JAKMIP3: variants seen among roughly 807,000 people sequenced by gnomAD.
The protein encoded by JAKMIP3 is Janus kinase and microtubule interacting protein 3.
Under a neutral mutation model 118.5 loss-of-function variants are expected in JAKMIP3, and 58 were observed. That is an observed-to-expected ratio of 0.49 (90% CI 0.40 to 0.61). The LOEUF (loss-of-function observed/expected upper bound fraction) is 0.61, where lower values mean the gene tolerates loss of function less well. Ranked by LOEUF, JAKMIP3 falls within the 20% of genes least tolerant of loss-of-function variation. The pLI is 0.00. For missense variants in JAKMIP3, 950 were observed against 1,109.0 expected, an observed-to-expected ratio of 0.86 and a Z score of 2.04; for synonymous variants, 486 against 451.2, an observed-to-expected ratio of 1.08 and a Z score of -0.98.
intron 13 of JAKMIP3, 75 bp downstream of exon 13, chr10:132,145,655 C>A: frequency 2.3e-6 from 3 of 1,279,994 alleles, no homozygotes; most frequent in Non-Finnish European, 2.2e-6. Context: ...CCCTGCGGGG[C>A]TGAAGGATGG....
At chr10:132,180,556 T>TGTGC (rs1419059069) in intron 23 of JAKMIP3, among the ~76,000 whole-genome samples, 3 of 4,016 alleles carry the variant, frequency 7.5e-4, no homozygotes, top group Non-Finnish European at 1.4e-3. Flanking sequence ...CGTGCGTGCA[T>TGTGC]GCGTGTGTGT....
intron 3 of JAKMIP3, among the ~76,000 whole-genome samples, chr10:132,131,393 GC>G (rs1036373656): frequency 4.0e-5 from 6 of 150,682 alleles, no homozygotes; most frequent in African/African-American, 1.5e-4. Flanking sequence ...CAGGTGTGAG[GC>G]CCAGGGGAGA....
Position 132,137,012 on chromosome 10 carries a change from G to T in JAKMIP3, c.1117-7G>T, listed in dbSNP as rs774777576. 2 of 1,612,652 alleles carry T rather than the reference G, an allele frequency of 1.2e-6. No homozygotes were observed. Among genetic ancestry groups the T allele is most frequent in the Admixed American group, 1.7e-5 (1 of 59,948 alleles). ...CAACTTGTGATGTGGGCTGCTTGGC[G>T]TTTCAGAGACAGAGAGCTGGAATCA... On this transcript the variant is annotated splice_region_variant and splice_polypyrimidine_tract_variant and intron_variant, in intron 6 of 23. Coordinates refer to ENST00000684848, the MANE Select transcript of JAKMIP3 (RefSeq NM_001323087.2).
chr10:132,123,283 C>T (rs910795350), intron 3 of JAKMIP3, among the ~76,000 whole-genome samples: 2 of 152,282 alleles, frequency 1.3e-5, no homozygotes, highest in African/African-American at 2.4e-5. Flanking sequence ...CTGAGAGAGC[C>T]GTCTGGGTGC....
At chr10:132,149,390 C>G (rs11813996) in intron 14 of JAKMIP3, 22 bp from the exon 15 acceptor site, 10 of 1,528,306 alleles carry the variant, frequency 6.5e-6, no homozygotes, top group African/African-American at 1.4e-5. Flanking sequence ...GAGCGGCTCA[C>G]CCTTCTGTCC....
intron 2 of JAKMIP3, among the ~76,000 whole-genome samples, chr10:132,110,411 G>C (rs1209536232): frequency 6.6e-6 from 1 of 152,256 alleles, no homozygotes; most frequent in Non-Finnish European, 1.5e-5. Flanking sequence ...TGCAGTTTTT[G>C]CCTGTGGTTA....
At chr10:132,145,287 T>C in intron 12 of JAKMIP3, 97 bp downstream of exon 12, 1 of 1,098,598 alleles carries the variant, frequency 9.1e-7, no homozygotes, top group Non-Finnish European at 1.3e-6. Context: ...GATCATAACT[T>C]TCTACAGCCT....
chr10:132,180,656 T>TGTGTGCGC (rs1554963087), intron 23 of JAKMIP3, among the ~76,000 whole-genome samples: 1 of 16,338 alleles, frequency 6.1e-5, no homozygotes, highest in Non-Finnish European at 1.2e-4. Flanking sequence ...CGTGTGCGTG[T>TGTGTGCGC]GCGTGTGTGC....
At chr10:132,155,033 T>C (rs1030230935) in intron 19 of JAKMIP3, among the ~76,000 whole-genome samples, 1 of 148,596 alleles carries the variant, frequency 6.7e-6, no homozygotes, top group African/African-American at 2.5e-5. Flanking sequence ...GTGATGATGA[T>C]GGCAATGATC....
chr10:132,120,853 C>T (rs1382583884), intron 3 of JAKMIP3, among the ~76,000 whole-genome samples: 1 of 152,240 alleles, frequency 6.6e-6, no homozygotes, highest in Non-Finnish European at 1.5e-5. Flanking sequence ...GCTCCCCAGG[C>T]CCAGCTGTGA....
chr10:132,054,523 G>A (rs1045260728), intron 1 of JAKMIP3, among the ~76,000 whole-genome samples: 15 of 152,160 alleles, frequency 9.9e-5, no homozygotes, highest in African/African-American at 3.6e-4. Context: ...TGTGGTACAG[G>A]TGGGGTGTGT....
Position 132,123,373 on chromosome 10 carries a change from A to T in JAKMIP3, c.633+5799A>T, listed in dbSNP as rs541637431. Among the ~76,000 whole-genome samples the T allele has an allele frequency of 3.9e-4, 60 of 152,280 alleles. 1 individual carries two copies. Among genetic ancestry groups the T allele is most frequent in the Admixed American group, 1.5e-3 (23 of 15,312 alleles). On this transcript the variant is annotated intron_variant, in intron 3 of 23. Transcript: ENST00000684848. ...TGTTAAAGACTCTCTAAATCCAAAG[A>T]ATTAGACGCAAAAGCCAGTTTCTCC...
intron 1 of JAKMIP3, among the ~76,000 whole-genome samples, chr10:132,087,584 G>A (rs983762844): frequency 1.3e-5 from 2 of 151,702 alleles, no homozygotes; most frequent in African/African-American, 2.4e-5. Context: ...TTGTTGGATT[G>A]GGTTAACTCG....
chr10:132,063,716 A>G (rs1344019701), upstream of JAKMIP3, among the ~76,000 whole-genome samples: 2 of 152,234 alleles, frequency 1.3e-5, no homozygotes, highest in Non-Finnish European at 2.9e-5. Flanking sequence ...ACATACACGC[A>G]TGTGCATCTG....
At chr10:132,155,905 A>G (rs988028643) in intron 19 of JAKMIP3, among the ~76,000 whole-genome samples, 2 of 151,982 alleles carry the variant, frequency 1.3e-5, no homozygotes, top group Non-Finnish European at 2.9e-5. Flanking sequence ...GTGGCCGGGG[A>G]CCTGTGCAGC....
chr10:132,057,428 C>T (rs1589724685), intron 1 of JAKMIP3, among the ~76,000 whole-genome samples: 2 of 152,324 alleles, frequency 1.3e-5, no homozygotes, highest in South Asian at 4.1e-4. Flanking sequence ...AGGAGCACGC[C>T]GCCGACTGCC....
At chr10:132,160,523 G>A (rs376028094) in intron 19 of JAKMIP3, among the ~76,000 whole-genome samples, 356 of 14,724 alleles carry the variant, frequency 0.024, 1 homozygote, top group Non-Finnish European at 0.032. Flanking sequence ...TGTGATGCTG[G>A]GGGGGCCTCT....
upstream of JAKMIP3, among the ~76,000 whole-genome samples, chr10:132,036,478 T>C (rs2133730100): frequency 6.6e-6 from 1 of 152,116 alleles, no homozygotes; most frequent in East Asian, 1.9e-4. Context: ...CCCGGGCTAT[T>C]TTCAGCCACG....
At chr10:132,111,023 G>T (rs1430130812) in intron 2 of JAKMIP3, among the ~76,000 whole-genome samples, 1 of 152,244 alleles carries the variant, frequency 6.6e-6, no homozygotes, top group Non-Finnish European at 1.5e-5. Context: ...CCTCCTGCAG[G>T]CTGAGCCCCA....
Sources: allele counts gnomAD v4.1 joint callset (sites outside exome capture counted in the v4.1 genomes callset), GRCh38; gene constraint gnomAD v4.1.1; transcripts MANE v1.5; gene names NCBI Gene and HGNC (gene_info 2026-07-23, HGNC 2026-07-21).